Variants in TSPAN16 observed in about 807,000 individuals in gnomAD.
The protein encoded by TSPAN16 is tetraspanin-16.
TSPAN16 carries 23 observed loss-of-function variants against 25.2 expected under a neutral mutation model. The ratio of observed to expected loss-of-function variants is 0.91; its 90% CI spans 0.66 to 1.29. The LOEUF (loss-of-function observed/expected upper bound fraction) is 1.29, where lower values mean the gene tolerates loss of function less well. TSPAN16 is among the 50% of genes most tolerant of loss of function. The pLI, the probability that TSPAN16 is intolerant of heterozygous loss-of-function variation, is 0.00. For synonymous variants in TSPAN16, 123 were observed against 124.4 expected (o/e 0.99, Z 0.08); for missense variants, 272 against 299.9 (o/e 0.91, Z 0.69).
At chr19:11,298,474 G>A (rs1324170399) in intron 2 of TSPAN16, 135 bp downstream of exon 2, 9 of 815,758 alleles carry the variant, frequency 1.1e-5, no homozygotes, top group East Asian at 8.2e-5. Flanking sequence ...TCACTCTGTC[G>A]CCCAGGCTGG....
At chr19:11,325,023 C>A in intron 6 of TSPAN16, 2 of 186,386 alleles carry the variant, frequency 1.1e-5, no homozygotes, top group Non-Finnish European at 2.3e-5. Flanking sequence ...CCTGCCCAAC[C>A]CAGAAGAGAC....
In TSPAN16 at chr19:11,314,429, G is replaced by A. The variant is rs899210845; in HGVS notation, c.688-1362G>A. On this transcript the variant is annotated intron_variant, in intron 6 of 6. Coordinates refer to ENST00000590327, the MANE Select transcript of TSPAN16 (RefSeq NM_001282509.2). The stretch of plus-strand genomic sequence containing the variant: ...TTTTCCTACATGCTTTCTGCACATT[G>A]ACTACCAACATAGTAGTGTCTTTTC... Among the ~76,000 whole-genome samples the A allele has an allele frequency of 3.9e-5, 6 of 152,130 alleles. No individual in the cohort carries two copies. The East Asian group carries it at 1.2e-3, about 29-fold the overall frequency.
In TSPAN16 at chr19:11,296,201, C is replaced by A; in HGVS notation, c.-97C>A. ...GAGGGGCAGAGCAAGTCAGCATTGG[C>A]GCCCCTTCCTCAGATCCCTATCATC... On this transcript the variant is annotated 5_prime_UTR_variant, in exon 1 of 7. Coordinates refer to ENST00000590327, the MANE Select transcript of TSPAN16 (RefSeq NM_001282509.2). 3.8e-6 allele frequency: 5 copies of A among 1,308,496 alleles called. No homozygotes were observed. Among genetic ancestry groups the A allele is most frequent in the African/African-American group, 2.9e-5 (2 of 69,864 alleles). 81.1% of individuals were successfully genotyped at this position (1,308,496 alleles called of 1,614,324 possible).
intron 1 of TSPAN16, among the ~76,000 whole-genome samples, chr19:11,296,717 G>T (rs911303743): frequency 1.1e-4 from 16 of 152,136 alleles, no homozygotes; most frequent in African/African-American, 3.9e-4. Context: ...TTTCCTTACC[G>T]TAAAAGTAAC....
chr19:11,312,869 C>T (rs1231087314), intron 6 of TSPAN16, among the ~76,000 whole-genome samples: 1 of 152,058 alleles, frequency 6.6e-6, no homozygotes, highest in Non-Finnish European at 1.5e-5. Flanking sequence ...CACTACTGAC[C>T]TTACAGAAAT....
chr19:11,305,953 G>T (rs1384699060), intron 4 of TSPAN16, among the ~76,000 whole-genome samples: 1 of 152,014 alleles, frequency 6.6e-6, no homozygotes, highest in Non-Finnish European at 1.5e-5. Context: ...ATTGGTATCA[G>T]GTTCATAACT....
At chr19:11,321,173 A>T (rs2080777330) in intron 6 of TSPAN16, 1 of 151,596 alleles carries the variant, frequency 6.6e-6, no homozygotes, top group African/African-American at 2.4e-5. Context: ...GTCTCAAAAA[A>T]AAAAAAACAA....
At chr19:11,310,299 G>C (rs2080676452) in intron 5 of TSPAN16, among the ~76,000 whole-genome samples, 1 of 152,138 alleles carries the variant, frequency 6.6e-6, no homozygotes, top group East Asian at 1.9e-4. Context: ...GCTGAGGTGT[G>C]TGGATCACCT....
chr19:11,312,956 GATAAAC>G (rs1394377956), intron 6 of TSPAN16, among the ~76,000 whole-genome samples: 1 of 152,004 alleles, frequency 6.6e-6, no homozygotes, highest in Non-Finnish European at 1.5e-5. Context: ...CAAATTCCTA[GATAAAC>G]ATAAACTACC....
At chr19:11,316,504 G>T (rs956762271), downstream of TSPAN16, among the ~76,000 whole-genome samples, 1 of 151,952 alleles carries the variant, frequency 6.6e-6, no homozygotes, top group Admixed American at 6.6e-5. Flanking sequence ...CATCACCCAG[G>T]TTCAACAATG....
chr19:11,326,647 A>C (rs564884557), intron 6 of TSPAN16: 5 of 530,214 alleles, frequency 9.4e-6, no homozygotes, highest in East Asian at 6.7e-5. Flanking sequence ...TCTATTGCCC[A>C]GGCCGGGGTG....
chr19:11,319,265 T>G (rs1212900436), downstream of TSPAN16, among the ~76,000 whole-genome samples: 2 of 152,228 alleles, frequency 1.3e-5, no homozygotes, highest in Non-Finnish European at 2.9e-5. Context: ...CTCACGGATC[T>G]CAGGCAAGTG....
At chr19:11,298,780 G>T (rs1039266964) in intron 2 of TSPAN16, 92 bp from the exon 3 acceptor site, 4 of 1,269,976 alleles carry the variant, frequency 3.1e-6, no homozygotes, top group Non-Finnish European at 3.4e-6. Flanking sequence ...GTGGAGGGTC[G>T]GGGGAACAGA....
At chr19:11,299,030 A>AAAAT in intron 3 of TSPAN16, 84 bp downstream of exon 3, 1 of 1,397,480 alleles carries the variant, frequency 7.2e-7, no homozygotes, top group Non-Finnish European at 1.0e-6. Context: ...CTCTAATCCC[A>AAAAT]GCATTTTGGG....
chr19:11,302,676 TATACACAC>T (rs1196351289), intron 4 of TSPAN16, among the ~76,000 whole-genome samples: 21 of 128,398 alleles, frequency 1.6e-4, no homozygotes, highest in African/African-American at 4.4e-4. Flanking sequence ...TATATATATA[TATACACAC>T]ACACACACAC....
At chr19:11,320,899 G>A (rs368320340), downstream of TSPAN16, among the ~76,000 whole-genome samples, 7 of 151,944 alleles carry the variant, frequency 4.6e-5, no homozygotes, top group South Asian at 6.2e-4. Flanking sequence ...GCCCGTGTAC[G>A]GTGGTTCACG....
At chr19:11,323,313 G>GCAACAGAGCAAGA (rs1952660795) in intron 6 of TSPAN16, 1 of 152,194 alleles carries the variant, frequency 6.6e-6, no homozygotes, top group Non-Finnish European at 1.5e-5. Flanking sequence ...GATACCCTCG[G>GCAACAGAGCAAGA]CTGGGCGTGA....
chr19:11,324,272 AAAG>A lies in TSPAN16; in HGVS notation c.688-2518_688-2516del, dbSNP rs1356385589. 12 of 153,092 alleles carry A rather than the reference AAAG, an allele frequency of 7.8e-5. No homozygotes were observed. The East Asian group carries it at 1.1e-3, about 15-fold the overall frequency. 9.5% of individuals were successfully genotyped at this position (153,092 alleles called of 1,614,324 possible). A position where few individuals can be genotyped will look rare whatever the true frequency, so the allele number is the denominator to read the frequency against. ...CCATCTCAAAAAGAAAAAAAAAAAAAAAGAAGTGACTCCTCCATTAGCAAAAAT... is the reference window on the plus strand; with the variant it reads ...CCATCTCAAAAAGAAAAAAAAAAAAAAAGTGACTCCTCCATTAGCAAAAAT... On this transcript the variant is annotated intron_variant, in intron 6 of 6. Coordinates refer to the TSPAN16 transcript ENST00000316737.
At chr19:11,312,322 T>TAAAAAAAAAAAA (rs56982210) in intron 6 of TSPAN16, 100 bp downstream of exon 6, 1 of 293,942 alleles carries the variant, frequency 3.4e-6, no homozygotes. Flanking sequence ...TGAACAAAAC[T>TAAAAAAAAAAAA]AAAAAAAAAA....
Sources: allele counts gnomAD v4.1 joint callset (sites outside exome capture counted in the v4.1 genomes callset), GRCh38; gene constraint gnomAD v4.1.1; transcripts MANE v1.5; gene names NCBI Gene and HGNC (gene_info 2026-07-23, HGNC 2026-07-21).